The following VPS35L variants were observed in gnomAD, a reference collection of about 807,000 sequenced individuals.
The protein encoded by VPS35L is VPS35 endosomal protein-sorting factor-like.
In VPS35L, 83 loss-of-function variants were observed where a neutral mutation model predicts 133.0. The ratio of observed to expected loss-of-function variants is 0.62; its 90% CI spans 0.52 to 0.75. The LOEUF (loss-of-function observed/expected upper bound fraction) is 0.75, where lower values mean the gene tolerates loss of function less well. VPS35L is among the 30% of genes least tolerant of loss of function. VPS35L has a pLI of 0.00. For synonymous variants in VPS35L, 423 were observed against 449.9 expected (o/e 0.94, Z 0.76); for missense variants, 1,083 against 1,206.8 (o/e 0.90, Z 1.52).
chr16:19,637,544 T>C lies in VPS35L; in HGVS notation c.1636-50T>C, dbSNP rs923470371. 3 of 1,363,396 alleles carry C rather than the reference T, an allele frequency of 2.2e-6. No homozygotes were observed. In the African/African-American group the frequency reaches 4.5e-5, roughly 21 times the overall value. 84.5% of individuals were successfully genotyped at this position (1,363,396 alleles called of 1,614,324 possible). The stretch of plus-strand genomic sequence containing the variant: ...AGAGAATGTAAACCAGAAAGAAATT[T>C]TTAAAAATTAAGTTTTTAAAAATAA... On this transcript the variant is annotated intron_variant, in intron 19 of 30. Transcript: ENST00000417362.
intron 12 of VPS35L, among the ~76,000 whole-genome samples, chr16:19,613,810 A>C (rs931795690): frequency 2.0e-5 from 3 of 152,154 alleles, no homozygotes; most frequent in Non-Finnish European, 4.4e-5. Flanking sequence ...CACAAACCTC[A>C]TGGTCCAAGA....
Position 19,616,700 on chromosome 16 carries a change from G to C in VPS35L, c.1116G>C (p.Thr372=), listed in dbSNP as rs550777630. Residue 372 remains threonine (T), a synonymous_variant, in exon 14 of 31, where the codon ACG becomes ACC. Transcript: ENST00000417362. ...GCCTCCTGTAGATTCATGGGGATACGGTCCAGAACCAGCTGGTGGTCCAAG... is the reference window on the plus strand; with the variant it reads ...GCCTCCTGTAGATTCATGGGGATACCGTCCAGAACCAGCTGGTGGTCCAAG... The part of the protein sequence containing the change: ...LLTFKQIHGD[T]VQNQLVVQGV... The C allele has an allele frequency of 1.2e-6, 2 of 1,613,922 alleles. No individual in the cohort carries two copies. Among genetic ancestry groups the C allele is most frequent in the South Asian group, 2.2e-5 (2 of 91,064 alleles).
chr16:19,667,856 C>G lies in VPS35L; in HGVS notation c.2222-1304C>G, dbSNP rs118124199. On this transcript the variant is annotated intron_variant, in intron 26 of 30. Transcript: ENST00000417362. Reference sequence around the variant, plus strand: ...ACTTTTTTTTCATCTGTTTGTCTACCTGCCCATGACAGTACCCTGTTCACA... The same window carrying G: ...ACTTTTTTTTCATCTGTTTGTCTACGTGCCCATGACAGTACCCTGTTCACA... Among the ~76,000 whole-genome samples the G allele has an allele frequency of 4.9e-4, 75 of 151,980 alleles. No individual in the cohort carries two copies. In the East Asian group the frequency reaches 0.01, roughly 20 times the overall value.
intron 22 of VPS35L, 135 bp from the exon 23 acceptor site, chr16:19,644,751 C>G: frequency 2.0e-6 from 1 of 497,052 alleles, no homozygotes; most frequent in Non-Finnish European, 3.5e-6. Context: ...AAATAAGCAG[C>G]CTGTTGGCAG....
At chr16:19,636,739 A>G (rs193189338) in intron 19 of VPS35L, among the ~76,000 whole-genome samples, 123 of 152,344 alleles carry the variant, frequency 8.1e-4, no homozygotes, top group African/African-American at 2.7e-3. Flanking sequence ...TTTTCTTGAT[A>G]GCAACCAGAG....
intron 21 of VPS35L, 103 bp downstream of exon 21, chr16:19,640,203 G>A (rs971407753): frequency 5.9e-6 from 6 of 1,024,956 alleles, no homozygotes; most frequent in Admixed American, 2.6e-5. Flanking sequence ...TGATGTGTAC[G>A]TATTTCATAC....
At chr16:19,595,171 G>A (rs1365631416) in intron 8 of VPS35L, among the ~76,000 whole-genome samples, 3 of 152,174 alleles carry the variant, frequency 2.0e-5, no homozygotes, top group Non-Finnish European at 4.4e-5. Context: ...GACAGGAGGG[G>A]CCACCAGAGG....
At chr16:19,562,273 C>T (rs907759732) in intron 1 of VPS35L, among the ~76,000 whole-genome samples, 4 of 151,932 alleles carry the variant, frequency 2.6e-5, no homozygotes, top group Non-Finnish European at 4.4e-5. Flanking sequence ...AAGAAGAATT[C>T]GATCAGATAT....
intron 5 of VPS35L, chr16:19,578,743 C>T: frequency 2.7e-6 from 1 of 372,976 alleles, no homozygotes; most frequent in Non-Finnish European, 5.0e-6. Flanking sequence ...TTTTGGCATC[C>T]TTATCTGGAC....
intron 21 of VPS35L, 105 bp downstream of exon 21, chr16:19,640,205 A>G (rs1198798202): frequency 1.0e-6 from 1 of 999,900 alleles, no homozygotes; most frequent in Non-Finnish European, 1.5e-6. Context: ...ATGTGTACGT[A>G]TTTCATACAG....
rs934852174 is a variant in VPS35L at position 19,626,195 on chromosome 16, A to G, written c.1243A>G (p.Met415Val). ...HAPEALLTEM[M>V]ERCKKLGNNA... ...ATAATAGGCTCTGCTGACCGAGATG[A>G]TGGAAAGGTGTAAGAAACTAGGAAA... Residue 415 changes from methionine to valine, a missense_variant, in exon 15 of 31, where the codon ATG becomes GTG. By Grantham distance (21) the Met-to-Val change is conservative (BLOSUM62 1). Coordinates refer to ENST00000417362, the MANE Select transcript of VPS35L (RefSeq NM_020314.7). 1 of 1,600,442 alleles carries G rather than the reference A, an allele frequency of 6.2e-7. No homozygotes were observed. Among genetic ancestry groups the G allele is most frequent in the Admixed American group, 1.7e-5 (1 of 57,570 alleles).
intron 2 of VPS35L, among the ~76,000 whole-genome samples, chr16:19,568,181 C>T (rs1971246633): frequency 6.6e-6 from 1 of 152,048 alleles, no homozygotes; most frequent in Non-Finnish European, 1.5e-5. Context: ...TACAGATGAA[C>T]AGCCAGATGA....
chr16:19,686,912 C>A (rs2019186), intron 28 of VPS35L, among the ~76,000 whole-genome samples: 6 of 152,004 alleles, frequency 3.9e-5, no homozygotes, highest in African/African-American at 4.8e-5. Flanking sequence ...TACTGCCCCC[C>A]CTTCCTTGAG....
chr16:19,606,111 G>A (rs1264089849), intron 9 of VPS35L, among the ~76,000 whole-genome samples: 1 of 152,208 alleles, frequency 6.6e-6, no homozygotes, highest in African/African-American at 2.4e-5. Flanking sequence ...CGTATAGCTT[G>A]TAGTCAATGC....
chr16:19,585,406 C>CTTTTTTTTTTTTT (rs201727936), intron 7 of VPS35L, among the ~76,000 whole-genome samples: 1 of 138,122 alleles, frequency 7.2e-6, no homozygotes, highest in Non-Finnish European at 1.6e-5. Flanking sequence ...TTTCTTTTTT[C>CTTTTTTTTTTTTT]TTTTTTTTTT....
chr16:19,565,005 A>G (rs1208531788), intron 2 of VPS35L, 55 bp downstream of exon 2: 4 of 1,375,450 alleles, frequency 2.9e-6, no homozygotes, highest in Non-Finnish European at 4.1e-6. Context: ...GAAATGAAAG[A>G]CAATCTTCCT....
At chr16:19,602,387 C>T (rs1208523270) in intron 9 of VPS35L, among the ~76,000 whole-genome samples, 2 of 152,096 alleles carry the variant, frequency 1.3e-5, no homozygotes, top group Non-Finnish European at 2.9e-5. Context: ...TCCATTGCCG[C>T]TCCACTTCCC....
chr16:19,564,674 C>T (rs1357093057), intron 1 of VPS35L, among the ~76,000 whole-genome samples, 177 bp from the exon 2 acceptor site: 2 of 152,212 alleles, frequency 1.3e-5, no homozygotes, highest in Non-Finnish European at 2.9e-5. Context: ...GCTGGGATTA[C>T]AGATGTGAGC....
At chr16:19,571,844 C>A (rs1971395436) in intron 3 of VPS35L, among the ~76,000 whole-genome samples, 1 of 147,264 alleles carries the variant, frequency 6.8e-6, no homozygotes, top group Non-Finnish European at 1.5e-5. Flanking sequence ...GCCGCCCAGC[C>A]AACTTTTTTT....
Sources: gnomAD v4.1 joint callset for allele counts (sites outside exome capture counted in the v4.1 genomes callset) on GRCh38, gnomAD v4.1.1 for gene constraint, MANE v1.5 for transcripts, NCBI Gene and HGNC (gene_info 2026-07-23, HGNC 2026-07-21) for gene names.